Variants in AP2B1 observed in about 807,000 individuals in gnomAD.
The protein encoded by AP2B1 is adaptor related protein complex 2 subunit beta 1, also known as AP-2 complex subunit beta.
A neutral mutation model predicts 102.0 loss-of-function variants in AP2B1; 23 were observed. The observed-to-expected ratio is 0.23, with a 90% CI of 0.16 to 0.32. AP2B1 has a LOEUF of 0.32. Ranked by LOEUF, AP2B1 falls within the 10% of genes least tolerant of loss-of-function variation. The probability of loss-of-function intolerance (pLI) is 1.00; values close to 1 mark genes in which losing one functional copy is unlikely to be tolerated. For synonymous variants in AP2B1, 381 were observed against 421.2 expected, an observed-to-expected ratio of 0.90 and a Z score of 1.17; for missense variants, 541 against 1,157.4, an observed-to-expected ratio of 0.47 and a Z score of 7.73.
At chr17:35,674,435 G>T in intron 17 of AP2B1, 114 bp downstream of exon 17, 1 of 1,273,982 alleles carries the variant, frequency 7.8e-7, no homozygotes, top group South Asian at 1.4e-5. Context: ...CAGGTACAGT[G>T]GCTCATGCCT....
intron 2 of AP2B1, among the ~76,000 whole-genome samples, chr17:35,597,856 C>A (rs1012275655): frequency 1.3e-5 from 2 of 152,134 alleles, no homozygotes; most frequent in African/African-American, 2.4e-5. Context: ...GTAATACGCG[C>A]CTGCTCCCTA....
chr17:35,694,960 C>G (rs377107206), intron 18 of AP2B1, among the ~76,000 whole-genome samples: 1 of 152,208 alleles, frequency 6.6e-6, no homozygotes, highest in East Asian at 1.9e-4. Context: ...CCTCTGCCCC[C>G]CTCTTCCCAC....
At chr17:35,716,057 C>G (rs1168199566) in intron 20 of AP2B1, among the ~76,000 whole-genome samples, 1 of 152,124 alleles carries the variant, frequency 6.6e-6, no homozygotes, top group African/African-American at 2.4e-5. Flanking sequence ...TTGCAGATAA[C>G]GTGGGAAACA....
At chr17:35,631,519 A>T (rs1405500952) in intron 9 of AP2B1, among the ~76,000 whole-genome samples, 1 of 152,126 alleles carries the variant, frequency 6.6e-6, no homozygotes, top group Non-Finnish European at 1.5e-5. Context: ...ATAAAAATGA[A>T]ATCATTCCAC....
At chr17:35,691,846 A>G (rs2076048568) in intron 18 of AP2B1, among the ~76,000 whole-genome samples, 1 of 152,242 alleles carries the variant, frequency 6.6e-6, no homozygotes, top group Non-Finnish European at 1.5e-5. Context: ...TGCTACTTCC[A>G]GTTTGACATA....
At chr17:35,595,054 C>T (rs968485896) in intron 2 of AP2B1, among the ~76,000 whole-genome samples, 9 of 152,196 alleles carry the variant, frequency 5.9e-5, no homozygotes, top group African/African-American at 1.2e-4. Context: ...CCAGACATGG[C>T]GCCAACTACC....
chr17:35,608,769 C>T (rs1405691029), intron 5 of AP2B1, among the ~76,000 whole-genome samples: 2 of 152,092 alleles, frequency 1.3e-5, no homozygotes, highest in African/African-American at 2.4e-5. Context: ...TGAAAATGAT[C>T]TTTATTACCT....
chr17:35,658,626 C>A (rs1225798161), intron 14 of AP2B1, among the ~76,000 whole-genome samples: 1 of 152,064 alleles, frequency 6.6e-6, no homozygotes, highest in Admixed American at 6.6e-5. Flanking sequence ...CTAGCTAGAC[C>A]CTTGCAAAAG....
intron 5 of AP2B1, among the ~76,000 whole-genome samples, chr17:35,610,776 A>G (rs966956191): frequency 5.3e-5 from 8 of 151,918 alleles, no homozygotes; most frequent in Non-Finnish European, 1.2e-4. Context: ...GCGTGGTGGC[A>G]GGCGCCTATC....
intron 21 of AP2B1, among the ~76,000 whole-genome samples, chr17:35,720,548 TA>T (rs1568063021): frequency 8.0e-4 from 37 of 46,374 alleles, no homozygotes; most frequent in Non-Finnish European, 1.2e-3. Flanking sequence ...ATTTTATTTA[TA>T]TATATATATA....
chr17:35,682,046 G>T (rs1012783591), intron 17 of AP2B1, among the ~76,000 whole-genome samples: 2 of 152,062 alleles, frequency 1.3e-5, no homozygotes, highest in African/African-American at 4.8e-5. Context: ...CTTGAGCTCA[G>T]GAGTTCGAGA....
chr17:35,712,130 T>C (rs960855308), intron 20 of AP2B1, among the ~76,000 whole-genome samples: 2 of 152,168 alleles, frequency 1.3e-5, no homozygotes, highest in Admixed American at 1.3e-4. Flanking sequence ...TAATAATTGA[T>C]TTTTTTCATT....
intron 5 of AP2B1, among the ~76,000 whole-genome samples, chr17:35,616,357 G>A (rs530765936): frequency 1.5e-4 from 22 of 151,354 alleles, no homozygotes; most frequent in Admixed American, 3.9e-4. Context: ...TAGTAGAGAC[G>A]GGGGGTTTCA....
intron 5 of AP2B1, among the ~76,000 whole-genome samples, chr17:35,624,116 T>G (rs556008013): frequency 6.6e-6 from 1 of 152,356 alleles, no homozygotes; most frequent in Admixed American, 6.5e-5. Context: ...AAGTTTTGAG[T>G]GCTGTTAACA....
At chr17:35,596,973 G>T (rs992623273) in intron 2 of AP2B1, 33 of 671,102 alleles carry the variant, frequency 4.9e-5, no homozygotes, top group Middle Eastern at 5.4e-4. Flanking sequence ...GCTGTCTCGT[G>T]CGCCTTTCGG....
At chr17:35,713,290 C>T (rs1036676823) in intron 20 of AP2B1, among the ~76,000 whole-genome samples, 4 of 152,194 alleles carry the variant, frequency 2.6e-5, no homozygotes, top group African/African-American at 4.8e-5. Flanking sequence ...GTGGCCATGC[C>T]GCACATGAAA....
At chr17:35,632,920 A>C (rs183093889) in intron 9 of AP2B1, among the ~76,000 whole-genome samples, 1 of 151,730 alleles carries the variant, frequency 6.6e-6, no homozygotes, top group East Asian at 1.9e-4. Context: ...ATAATTTATT[A>C]ATATAACAAT....
In AP2B1 at chr17:35,713,662, A is replaced by G. The variant is rs587651133; in HGVS notation, c.2626+3342A>G. ...AGATGGAACTAACACTCTGAGGGCT[A>G]CAGGAAGTCACAGGCTTAAAGGACT... On this transcript the variant is annotated intron_variant, in intron 20 of 21. Coordinates refer to ENST00000610402, the MANE Select transcript of AP2B1 (RefSeq NM_001030006.2). 3 of 152,378 alleles carry G rather than the reference A, an allele frequency of 2.0e-5. No homozygotes were observed. The East Asian group carries it at 5.8e-4, about 29-fold the overall frequency. The allele number at this position is 152,378 out of a possible 1,614,324, so 9.4% of individuals were successfully genotyped here.
chr17:35,642,836 A>C (rs1056176891), intron 12 of AP2B1, among the ~76,000 whole-genome samples: 6 of 152,096 alleles, frequency 3.9e-5, no homozygotes, highest in African/African-American at 1.4e-4. Context: ...AAAAAAATGT[A>C]TTTGTATGAG....
Sources: allele counts gnomAD v4.1 joint callset (sites outside exome capture counted in the v4.1 genomes callset), GRCh38; gene constraint gnomAD v4.1.1; transcripts MANE v1.5; gene names NCBI Gene and HGNC (gene_info 2026-07-23, HGNC 2026-07-21).